SLC22A25: variants seen among roughly 807,000 people sequenced by gnomAD.
The protein encoded by SLC22A25 is MGI:2442751, MGI:2385316, MGI:3042283, MGI:3645714, MGI:3605624, MGI:2442750.
Under a neutral mutation model 45.9 loss-of-function variants are expected in SLC22A25, and 44 were observed. The observed-to-expected ratio is 0.96, with a 90% confidence interval of 0.75 to 1.23. The LOEUF is 1.23. Among genes scored for constraint, SLC22A25 ranks in the 50% most tolerant of loss-of-function variants. The probability of loss-of-function intolerance (pLI) is 0.00; values close to 1 mark genes in which losing one functional copy is unlikely to be tolerated. For synonymous variants in SLC22A25, 283 were observed against 238.6 expected (o/e 1.19, Z -1.72); for missense variants, 800 against 666.4 (o/e 1.20, Z -2.21).
chr11:63,239,870 G>A (rs1294024748), intron 1 of SLC22A25, among the ~76,000 whole-genome samples: 1 of 152,154 alleles, frequency 6.6e-6, no homozygotes, highest in East Asian at 1.9e-4. Flanking sequence ...AGGTCTTCAA[G>A]GTTCTTATAG....
chr11:63,170,209 G>A (rs1395773708), intron 9 of SLC22A25, among the ~76,000 whole-genome samples: 1 of 152,106 alleles, frequency 6.6e-6, no homozygotes, highest in African/African-American at 2.4e-5. Flanking sequence ...ACATCAGAAA[G>A]CGAGAAAGAT....
intron 7 of SLC22A25, among the ~76,000 whole-genome samples, chr11:63,195,171 C>A (rs774437759): frequency 6.6e-6 from 1 of 152,042 alleles, no homozygotes; most frequent in Non-Finnish European, 1.5e-5. Flanking sequence ...TTTAACACCC[C>A]ACTGTCAACA....
At chr11:63,195,748 T>C (rs1372888852) in intron 7 of SLC22A25, among the ~76,000 whole-genome samples, 1 of 151,928 alleles carries the variant, frequency 6.6e-6, no homozygotes, top group African/African-American at 2.4e-5. Context: ...AAGAAATAAC[T>C]AAGATCAGAG....
chr11:63,181,741 T>C (rs538905573), intron 8 of SLC22A25, among the ~76,000 whole-genome samples: 5 of 152,172 alleles, frequency 3.3e-5, no homozygotes, highest in Admixed American at 6.6e-5. Flanking sequence ...CATCCTATAT[T>C]TATCAGGTTA....
Position 63,229,609 on chromosome 11 carries a change from C to G in SLC22A25, c.44G>C (p.Arg15Thr), listed in dbSNP as rs758024999. 8.7e-6 allele frequency: 14 copies of G among 1,610,828 alleles called. No individual in the cohort carries two copies. The highest frequency in any genetic ancestry group is 1.2e-5 in the Non-Finnish European group (14 of 1,177,316). ...GAAAACCATCTGAAGGATCTGGAAT[C>G]TCCCCAGGCCTCCAACTTGATCTAG... The part of the protein sequence containing the change: ...DLLDQVGGLG[R>T]FQILQMVFLI... The change falls in exon 4 of 12, where the codon AGA becomes ACA. Residue 15 changes from arginine to threonine, a missense_variant. By Grantham distance (71) the Arg-to-Thr change is moderately conservative. Transcript: ENST00000306494.
chr11:63,196,638 C>T (rs1317885635), intron 7 of SLC22A25, among the ~76,000 whole-genome samples: 4 of 152,200 alleles, frequency 2.6e-5, no homozygotes, highest in Non-Finnish European at 5.9e-5. Context: ...GACAAACCCA[C>T]ATCCAATATC....
At chr11:63,166,797 C>T (rs1160442974) in intron 9 of SLC22A25, 1 of 983,726 alleles carries the variant, frequency 1.0e-6, no homozygotes, top group East Asian at 1.1e-4. Flanking sequence ...AATAAGAAAA[C>T]CTATTTTTAT....
At chr11:63,165,554 C>T (rs774077838) in intron 10 of SLC22A25, among the ~76,000 whole-genome samples, 6 of 152,136 alleles carry the variant, frequency 3.9e-5, no homozygotes, top group Non-Finnish European at 7.4e-5. Context: ...AGATGACTCC[C>T]CTAAACCAGG....
chr11:63,216,981 C>T (rs536278560), intron 7 of SLC22A25, among the ~76,000 whole-genome samples: 10 of 152,024 alleles, frequency 6.6e-5, no homozygotes, highest in Non-Finnish European at 1.5e-4. Flanking sequence ...AATGGAACCT[C>T]CTATGTTTTA....
intron 3 of SLC22A25, among the ~76,000 whole-genome samples, chr11:63,233,742 A>G (rs1417102350): frequency 6.6e-6 from 1 of 152,074 alleles, no homozygotes; most frequent in Non-Finnish European, 1.5e-5. Flanking sequence ...TGTCAATTTT[A>G]GATCTTTCCT....
chr11:63,231,960 T>TCTGAGGGC (rs1590916128), intron 3 of SLC22A25, among the ~76,000 whole-genome samples: 2 of 152,328 alleles, frequency 1.3e-5, no homozygotes, highest in East Asian at 3.9e-4. Flanking sequence ...TGGCATTATT[T>TCTGAGGGC]CTGAGGGCTC....
chr11:63,199,734 C>CA (rs962623500), intron 7 of SLC22A25, among the ~76,000 whole-genome samples: 10 of 151,320 alleles, frequency 6.6e-5, no homozygotes, highest in Non-Finnish European at 1.0e-4. Context: ...TTGTGGGTTG[C>CA]AAAAAAAATG....
Position 63,162,784 on chromosome 11 carries a change from G to C in SLC22A25, c.*1040C>G, listed in dbSNP as rs2087556997. 6.6e-6 allele frequency among the ~76,000 whole-genome samples: 1 copy of C among 152,020 alleles called. No homozygotes were observed. The highest frequency in any genetic ancestry group is 1.5e-5 in the Non-Finnish European group (1 of 67,996). ...CCATTTAGAATCACAGTTGTAAATG[G>C]AATGTATTTATCCATTATATCTTGT... is the stretch of plus-strand genomic sequence containing the variant. On this transcript the variant is annotated 3_prime_UTR_variant, in exon 12 of 12. Transcript: ENST00000306494.
In SLC22A25 at chr11:63,229,648, G is replaced by T; in HGVS notation, c.5C>A (p.Ala2Asp). 1 of 1,599,178 alleles carries T rather than the reference G, an allele frequency of 6.3e-7. No individual in the cohort carries two copies. Among genetic ancestry groups the T allele is most frequent in the Non-Finnish European group, 8.6e-7 (1 of 1,167,670 alleles). M[A>D]FQDLLDQVGG... Reference sequence around the variant, plus strand: ...AACTTGATCTAGGAGGTCCTGAAAGGCCATTGAGGCTGGACAAGTGATCCC... The same window carrying T: ...AACTTGATCTAGGAGGTCCTGAAAGTCCATTGAGGCTGGACAAGTGATCCC... Residue 2 changes from alanine to aspartate, a missense_variant, in exon 4 of 12, where the codon GCC (alanine) becomes GAC (aspartate). By Grantham distance (126) the Ala-to-Asp change is moderately radical. Transcript: ENST00000306494.
At chr11:63,242,133 G>C (rs1343137711) in intron 1 of SLC22A25, among the ~76,000 whole-genome samples, 2 of 152,214 alleles carry the variant, frequency 1.3e-5, no homozygotes, top group Non-Finnish European at 2.9e-5. Flanking sequence ...AACACTGCTA[G>C]TTGGGACAGA....
At chr11:63,195,939 G>C (rs966238854) in intron 7 of SLC22A25, among the ~76,000 whole-genome samples, 11 of 152,180 alleles carry the variant, frequency 7.2e-5, no homozygotes, top group Non-Finnish European at 1.6e-4. Context: ...GGATCCCACA[G>C]AAATACAAAC....
chr11:63,166,722 G>C, intron 9 of SLC22A25: 4 of 994,112 alleles, frequency 4.0e-6, no homozygotes, highest in Non-Finnish European at 4.8e-6. Flanking sequence ...ACAACTTATT[G>C]GGTACAGATT....
rs572358304 is a variant in SLC22A25 at position 63,216,703 on chromosome 11, CA to C, written c.830+610del. Among the ~76,000 whole-genome samples, 563 of 152,166 alleles carry C rather than the reference CA, an allele frequency of 3.7e-3. 5 individuals are homozygous for C. The highest frequency in any genetic ancestry group is 0.013 in the African/African-American group (530 of 41,544). ...GGAGGGAGAGGATCAGGAAAAATTA[CA>C]AACGGGTATTAGGCTTAATACCTAG... On this transcript the variant is annotated intron_variant, in intron 7 of 11. Transcript: ENST00000306494.
At chr11:63,235,713 G>A (rs1456000597) in intron 3 of SLC22A25, among the ~76,000 whole-genome samples, 1 of 152,138 alleles carries the variant, frequency 6.6e-6, no homozygotes. Context: ...AGAGAGGAGA[G>A]GTGCTCTGAT....
Sources: allele counts gnomAD v4.1 joint callset (sites outside exome capture counted in the v4.1 genomes callset), GRCh38; gene constraint gnomAD v4.1.1; transcripts MANE v1.5; gene names NCBI Gene and HGNC (gene_info 2026-07-23, HGNC 2026-07-21).